Variants in C1orf167 observed in about 807,000 individuals in gnomAD.
C1orf167 encodes uncharacterized protein C1orf167.
In C1orf167, 153 loss-of-function variants were observed where a neutral mutation model predicts 176.5. The ratio of observed to expected loss-of-function variants is 0.87; its 90% CI spans 0.76 to 0.99. C1orf167 has a LOEUF of 0.99. C1orf167 is among the 50% of genes least tolerant of loss of function. C1orf167 has a pLI of 0.00. For missense variants in C1orf167, 1,490 were observed against 1,817.7 expected, an observed-to-expected ratio of 0.82 and a Z score of 3.28; for synonymous variants, 594 against 752.7, an observed-to-expected ratio of 0.79 and a Z score of 3.45.
At chr1:11,771,047 G>GTATATATATATATATATA (rs1557726771) in intron 6 of C1orf167, among the ~76,000 whole-genome samples, 11 of 33,560 alleles carry the variant, frequency 3.3e-4, no homozygotes, top group African/African-American at 9.9e-4. Flanking sequence ...GTGTGTGTGT[G>GTATATATATATATATATA]TGTATATATA....
chr1:11,784,189 G>A lies in C1orf167; in HGVS notation c.3021G>A (p.Trp1007Ter). 8.1e-7 allele frequency: 1 copy of A among 1,240,866 alleles called. No individual in the cohort carries two copies. The highest frequency in any genetic ancestry group is 1.4e-5 in the South Asian group (1 of 70,344). 76.9% of individuals were successfully genotyped at this position (1,240,866 alleles called of 1,614,324 possible). A position where few individuals can be genotyped will look rare whatever the true frequency, so the allele number is the denominator to read the frequency against. Residue 1007 changes from tryptophan to a stop codon, truncating the protein, a stop_gained, in exon 15 of 21, where the codon TGG (tryptophan) becomes TGA (stop). Coordinates refer to ENST00000688073, the MANE Select transcript of C1orf167 (RefSeq NM_001010881.2). LOFTEE classifies it high-confidence loss of function. ...QLLLQSYFQA[W>*]CEVVRDTGVL... Reference sequence around the variant, plus strand: ...TGTTTTGCAGCTACTTCCAGGCCTGGTGTGAGGTTGTAAGAGACACGGGGG... The same window carrying A: ...TGTTTTGCAGCTACTTCCAGGCCTGATGTGAGGTTGTAAGAGACACGGGGG...
intron 10 of C1orf167, chr1:11,777,384 C>G (rs1461231541): frequency 1.3e-5 from 2 of 152,660 alleles, no homozygotes; most frequent in Non-Finnish European, 2.9e-5. Context: ...GGCGTGGTGG[C>G]TCACACCTGT....
rs928437612 is a variant in C1orf167 at position 11,784,406 on chromosome 1, C to T, written c.3238C>T (p.Arg1080Trp). Residue 1080 changes from arginine to tryptophan, a missense_variant, in exon 15 of 21, where the codon CGG (arginine) becomes TGG (tryptophan). By Grantham distance (101) the Arg-to-Trp change is moderately radical. Transcript: ENST00000688073. ...GQEDGQQKKA[R>W]APQAFPAWPV... ...GGAAGATGGGCAGCAGAAGAAGGCC[C>T]GGGCCCCACAGGCCTTCCCAGCATG... 2.8e-5 allele frequency: 37 copies of T among 1,303,760 alleles called. No homozygotes were observed. In the East Asian group the frequency reaches 1.7e-3, roughly 59 times the overall value. The allele number at this position is 1,303,760 out of a possible 1,614,324, so 80.8% of individuals were successfully genotyped here.
In C1orf167 at chr1:11,789,402, G is replaced by A. The variant is rs1180419010; in HGVS notation, c.4306G>A (p.Gly1436Ser). Residue 1436 changes from glycine to serine, a missense_variant, in exon 21 of 21, where the codon GGT becomes AGT. By Grantham distance (56) the Gly-to-Ser change is moderately conservative. Coordinates refer to ENST00000688073, the MANE Select transcript of C1orf167 (RefSeq NM_001010881.2). ...SGQEAARAPR[G>S]WGLGAEHGAQ... is the part of the protein sequence containing the mutation. ...ACAGGAAGCCGCCAGAGCACCGCGG[G>A]GTTGGGGGCTTGGGGCAGAGCATGG... 7.7e-7 allele frequency: 1 copy of A among 1,304,096 alleles called. No homozygotes were observed. Among genetic ancestry groups the A allele is most frequent in the Non-Finnish European group, 1.0e-6 (1 of 988,912 alleles). The allele number at this position is 1,304,096 out of a possible 1,614,324, so 80.8% of individuals were successfully genotyped here. A position where few individuals can be genotyped will look rare whatever the true frequency, so the allele number is the denominator to read the frequency against.
intron 2 of C1orf167, among the ~76,000 whole-genome samples, chr1:11,765,223 A>C (rs1420520071): frequency 6.6e-6 from 1 of 152,048 alleles, no homozygotes; most frequent in Non-Finnish European, 1.5e-5. Flanking sequence ...GTTCCCATCC[A>C]CAAAGGCAGT....
intron 20 of C1orf167, 135 bp downstream of exon 20, chr1:11,788,881 G>A: frequency 1.6e-6 from 1 of 635,794 alleles, no homozygotes; most frequent in South Asian, 1.7e-5. Context: ...TCAGGGGAGG[G>A]GGTCAGTTCC....
intron 6 of C1orf167, among the ~76,000 whole-genome samples, chr1:11,770,934 A>G (rs1247974733): frequency 1.3e-5 from 2 of 148,826 alleles, no homozygotes; most frequent in Non-Finnish European, 3.0e-5. Context: ...CCTCCCGAGT[A>G]GCTGGGACTA....
At chr1:11,780,491 T>C (rs1643545338) in intron 13 of C1orf167, among the ~76,000 whole-genome samples, 1 of 152,140 alleles carries the variant, frequency 6.6e-6, no homozygotes, top group African/African-American at 2.4e-5. Context: ...GAGCAGAACC[T>C]GGGGGCTTGG....
rs1404867825 is a variant in C1orf167, at chr1:11,780,006, G to A, written c.2856G>A (p.Trp952Ter). Reference sequence around the variant, plus strand: ...CCCTATGCCACTGGCACTCCTGTTGGCAGGGTGAGTGGAGACTTGGTCGGG... The same window carrying A: ...CCCTATGCCACTGGCACTCCTGTTGACAGGGTGAGTGGAGACTTGGTCGGG... ...RDALCHWHSC[W>*]QGQQFLHEKC... The change falls in exon 13 of 21, where the codon TGG becomes TGA. Residue 952 changes from tryptophan to a stop codon, truncating the protein, a stop_gained. Transcript: ENST00000688073. LOFTEE classifies it high-confidence loss of function. The A allele has an allele frequency of 3.9e-6, 5 of 1,279,174 alleles. No individual in the cohort carries two copies. Among genetic ancestry groups the A allele is most frequent in the Non-Finnish European group, 5.1e-6 (5 of 972,664 alleles). The allele number at this position is 1,279,174 out of a possible 1,614,324, so 79.2% of individuals were successfully genotyped here. A position where few individuals can be genotyped will look rare whatever the true frequency, so the allele number is the denominator to read the frequency against.
At position 11,766,296 on chromosome 1, in the gene C1orf167, G is replaced by T; in HGVS notation, c.510G>T (p.Gly170=). 1 of 1,289,462 alleles carries T rather than the reference G, an allele frequency of 7.8e-7. No individual in the cohort carries two copies. Among genetic ancestry groups the T allele is most frequent in the Non-Finnish European group, 1.0e-6 (1 of 988,726 alleles). The allele number at this position is 1,289,462 out of a possible 1,614,324, so 79.9% of individuals were successfully genotyped here. The part of the protein sequence containing the change: ...ARPSSCLRQS[G]LPAPGTPSGD... ...CATCTTCCTGCCTGAGGCAGTCCGG[G>T]CTGCCGGCCCCAGGCACCCCTAGCG... is the stretch of plus-strand genomic sequence containing the variant. Residue 170 remains glycine (G), a synonymous_variant, in exon 3 of 21, where the codon GGG becomes GGT. Coordinates refer to ENST00000688073, the MANE Select transcript of C1orf167 (RefSeq NM_001010881.2). The surrounding 1 kb of genome is among the most constrained non-coding windows in gnomAD (Gnocchi z 4.5).
chr1:11,767,109 G>A (rs1394636554), intron 3 of C1orf167, 24 bp downstream of exon 3: 3 of 1,257,728 alleles, frequency 2.4e-6, no homozygotes, highest in African/African-American at 3.1e-5. Context: ...GAGGCTGGAG[G>A]TGGGGTAGGG....
At chr1:11,784,828 A>T (rs1006212237) in intron 15 of C1orf167, among the ~76,000 whole-genome samples, 21 of 152,194 alleles carry the variant, frequency 1.4e-4, no homozygotes, top group African/African-American at 4.8e-4. Flanking sequence ...CATGCCTTGC[A>T]GTCACCAGCA....
chr1:11,783,727 G>C (rs1318437089), intron 14 of C1orf167, among the ~76,000 whole-genome samples: 1 of 152,230 alleles, frequency 6.6e-6, no homozygotes, highest in Non-Finnish European at 1.5e-5. Flanking sequence ...TTGCAAGATG[G>C]AAAGCCAGTG....
At chr1:11,770,851 C>G (rs1557726363) in intron 6 of C1orf167, among the ~76,000 whole-genome samples, 1 of 148,748 alleles carries the variant, frequency 6.7e-6, no homozygotes, top group Admixed American at 6.8e-5. Context: ...GTCACCCAGG[C>G]TGGAGTACAG....
chr1:11,779,107 C>T, intron 12 of C1orf167, 27 bp downstream of exon 12: 2 of 1,227,896 alleles, frequency 1.6e-6, no homozygotes, highest in Non-Finnish European at 2.1e-6. Flanking sequence ...ATCCGCCCGC[C>T]ACTCTATGGA....
chr1:11,769,698 G>A (rs568261844), intron 6 of C1orf167, among the ~76,000 whole-genome samples: 57 of 145,410 alleles, frequency 3.9e-4, no homozygotes, highest in Non-Finnish European at 6.0e-4. Flanking sequence ...TTGAGATGGA[G>A]TCTCGCTCTG....
chr1:11,785,447 A>G (rs2100419685), intron 16 of C1orf167, among the ~76,000 whole-genome samples, 158 bp downstream of exon 16: 1 of 152,326 alleles, frequency 6.6e-6, no homozygotes, highest in South Asian at 2.1e-4. Flanking sequence ...CCTTAGAATC[A>G]GCTTGATTCA....
At chr1:11,773,869 G>A (rs1557730127) in intron 8 of C1orf167, among the ~76,000 whole-genome samples, 1 of 151,694 alleles carries the variant, frequency 6.6e-6, no homozygotes, top group African/African-American at 2.4e-5. Flanking sequence ...TCCATGTATG[G>A]CAGTTGGTTG....
chr1:11,766,773 C>A lies in C1orf167; in HGVS notation c.987C>A (p.Thr329=). 1 of 1,289,750 alleles carries A rather than the reference C, an allele frequency of 7.8e-7. No homozygotes were observed. The highest frequency in any genetic ancestry group is 1.0e-6 in the Non-Finnish European group (1 of 988,842). 79.9% of individuals were successfully genotyped at this position (1,289,750 alleles called of 1,614,324 possible). A position where few individuals can be genotyped will look rare whatever the true frequency, so the allele number is the denominator to read the frequency against. Residue 329 remains threonine (T), a synonymous_variant, in exon 3 of 21, where the codon ACC becomes ACA. Coordinates refer to ENST00000688073, the MANE Select transcript of C1orf167 (RefSeq NM_001010881.2). The surrounding 1 kb of genome is among the most constrained non-coding windows in gnomAD (Gnocchi z 4.5). ...WAQSKLMSPE[T]TLGTRTKDSL... ...AAAGCAAGCTAATGTCACCTGAGAC[C>A]ACTTTGGGGACACGGACCAAGGATT...
Sources: gnomAD v4.1 joint callset for allele counts (sites outside exome capture counted in the v4.1 genomes callset) on GRCh38, gnomAD v4.1.1 for gene constraint, Gnocchi (gnomAD v3.1) non-coding constraint, MANE v1.5 for transcripts, NCBI Gene and HGNC (gene_info 2026-07-23, HGNC 2026-07-21) for gene names.